The following THSD7B variants were observed in gnomAD, a reference collection of about 807,000 sequenced individuals.
THSD7B encodes the protein thrombospondin type 1 domain containing 7B, also known as thrombospondin type-1 domain-containing protein 7B.
In THSD7B, 138 loss-of-function variants were observed where a neutral mutation model predicts 213.6. The ratio of observed to expected loss-of-function variants is 0.65; its 90% CI spans 0.56 to 0.74. The LOEUF (loss-of-function observed/expected upper bound fraction) is 0.74, where lower values mean the gene tolerates loss of function less well. THSD7B is among the 30% of genes least tolerant of loss of function. The pLI, the probability that THSD7B is intolerant of heterozygous loss-of-function variation, is 0.00. For missense variants in THSD7B, 1,931 were observed against 1,991.5 expected (o/e 0.97, Z 0.58); for synonymous variants, 742 against 687.0 (o/e 1.08, Z -1.25).
Position 137,057,185 on chromosome 2 carries a change from G to A in THSD7B, c.905G>A (p.Arg302Gln). Residue 302 changes from arginine (R) to glutamine (Q), a missense_variant, in exon 3 of 28, where the codon CGG becomes CAG. Arg to Gln is a conservative substitution (Grantham distance 43). Coordinates refer to ENST00000409968, the MANE Select transcript of THSD7B (RefSeq NM_001316349.2). ...SWAIEIGYQTRQVSCTRSDGQ... is the reference protein window; with the variant it reads ...SWAIEIGYQTQQVSCTRSDGQ... Reference sequence around the variant, plus strand: ...GCAATAGAGATAGGTTATCAAACCCGGCAGGTTTCGTGTACAAGAAGTGAT... The same window carrying A: ...GCAATAGAGATAGGTTATCAAACCCAGCAGGTTTCGTGTACAAGAAGTGAT... 1 of 1,613,764 alleles carries A rather than the reference G, an allele frequency of 6.2e-7. No homozygotes were observed. Among genetic ancestry groups the A allele is most frequent in the Non-Finnish European group, 8.5e-7 (1 of 1,179,808 alleles).
At chr2:137,671,016 G>T (rs1034063971) in intron 27 of THSD7B, among the ~76,000 whole-genome samples, 1 of 150,844 alleles carries the variant, frequency 6.6e-6, no homozygotes, top group African/African-American at 2.4e-5. Context: ...CTACCTTTCA[G>T]ATAAGTCACT....
chr2:136,827,860 A>G (rs1470560607), intron 1 of THSD7B, among the ~76,000 whole-genome samples: 1 of 152,104 alleles, frequency 6.6e-6, no homozygotes, highest in Non-Finnish European at 1.5e-5. Flanking sequence ...TGTGCTTTGA[A>G]CCATTTCAGA....
At chr2:136,775,763 A>G (rs1681590489) in intron 1 of THSD7B, among the ~76,000 whole-genome samples, 1 of 152,130 alleles carries the variant, frequency 6.6e-6, no homozygotes, top group Non-Finnish European at 1.5e-5. Flanking sequence ...TAAGCTGCAG[A>G]GGTGAAGCCC....
chr2:136,940,162 A>AC (rs1684796934), intron 2 of THSD7B, among the ~76,000 whole-genome samples: 2 of 151,174 alleles, frequency 1.3e-5, no homozygotes, highest in East Asian at 2.0e-4. Flanking sequence ...CTCATCCCTC[A>AC]CCCCCCAACC....
chr2:137,185,159 G>A (rs920925593), intron 7 of THSD7B, among the ~76,000 whole-genome samples: 13 of 151,818 alleles, frequency 8.6e-5, no homozygotes, highest in Admixed American at 2.0e-4. Context: ...TACAATAAAA[G>A]CAACATATTT....
chr2:137,607,514 T>C (rs2104829528), intron 17 of THSD7B, among the ~76,000 whole-genome samples: 1 of 152,362 alleles, frequency 6.6e-6, no homozygotes, highest in South Asian at 2.1e-4. Flanking sequence ...AACTAGTCTG[T>C]AGTCCATATT....
chr2:137,332,532 A>C (rs1407636433), intron 12 of THSD7B, among the ~76,000 whole-genome samples: 1 of 152,140 alleles, frequency 6.6e-6, no homozygotes, highest in Non-Finnish European at 1.5e-5. Flanking sequence ...TGCTGGAATG[A>C]GCTAAGATTT....
At chr2:137,057,354 G>C in intron 3 of THSD7B, 124 bp downstream of exon 3, 1 of 1,008,488 alleles carries the variant, frequency 9.9e-7, no homozygotes, top group Non-Finnish European at 1.4e-6. Context: ...TAGGTTTTTA[G>C]AAGTTTCATG....
intron 12 of THSD7B, among the ~76,000 whole-genome samples, chr2:137,308,044 T>G (rs956212576): frequency 6.6e-6 from 1 of 152,030 alleles, no homozygotes; most frequent in African/African-American, 2.4e-5. Context: ...TGCTCTTATC[T>G]CATTACATCT....
At chr2:136,868,333 T>C (rs1043621145) in intron 1 of THSD7B, among the ~76,000 whole-genome samples, 1 of 152,204 alleles carries the variant, frequency 6.6e-6, no homozygotes, top group African/African-American at 2.4e-5. Flanking sequence ...AGGATAAAAG[T>C]AAATTCTATC....
intron 1 of THSD7B, among the ~76,000 whole-genome samples, chr2:136,832,839 C>A (rs996553065): frequency 1.3e-5 from 2 of 152,172 alleles, no homozygotes; most frequent in Non-Finnish European, 2.9e-5. Context: ...AGGTGGCCGA[C>A]TTGGGATGCA....
chr2:137,120,055 C>G lies in THSD7B; in HGVS notation c.1369+4762C>G, dbSNP rs58657500. On this transcript the variant is annotated intron_variant, in intron 5 of 27. Coordinates refer to ENST00000409968, the MANE Select transcript of THSD7B (RefSeq NM_001316349.2). Reference sequence around the variant, plus strand: ...CCCTTGATGTCAACCCTTAGAGGAGCAATGAGACTGTTTAAGTGGGCTTAT... The same window carrying G: ...CCCTTGATGTCAACCCTTAGAGGAGGAATGAGACTGTTTAAGTGGGCTTAT... Among the ~76,000 whole-genome samples, 641 of 152,192 alleles carry G rather than the reference C, an allele frequency of 4.2e-3. 3 individuals carry two copies. Among genetic ancestry groups the G allele is most frequent in the African/African-American group, 0.015 (615 of 41,534 alleles).
intron 2 of THSD7B, among the ~76,000 whole-genome samples, chr2:137,051,705 G>A (rs1218089786): frequency 2.0e-5 from 3 of 152,040 alleles, no homozygotes; most frequent in Admixed American, 1.3e-4. Context: ...GCTGTGACAG[G>A]GAAAAATGAA....
chr2:137,491,380 C>A (rs969346118), intron 15 of THSD7B, among the ~76,000 whole-genome samples: 1 of 152,182 alleles, frequency 6.6e-6, no homozygotes, highest in African/African-American at 2.4e-5. Context: ...TTTGATGGTA[C>A]TATTACTATG....
chr2:137,407,485 G>GA (rs1481278606), intron 13 of THSD7B, among the ~76,000 whole-genome samples: 1 of 151,684 alleles, frequency 6.6e-6, no homozygotes, highest in Non-Finnish European at 1.5e-5. Flanking sequence ...ATCACTGTTG[G>GA]AAAAAAATCC....
chr2:136,968,941 A>G (rs77072924), intron 2 of THSD7B, among the ~76,000 whole-genome samples: 1,830 of 152,276 alleles, frequency 0.012, 36 homozygotes, highest in African/African-American at 0.042. Context: ...AAATTATATA[A>G]CTAAATAAAC....
intron 12 of THSD7B, among the ~76,000 whole-genome samples, chr2:137,362,597 A>T (rs1301873763): frequency 6.7e-6 from 1 of 149,500 alleles, no homozygotes; most frequent in Non-Finnish European, 1.5e-5. Context: ...CGTCTCTGAC[A>T]AAAACAGTCT....
intron 4 of THSD7B, 80 bp from the exon 5 acceptor site, chr2:137,115,044 A>G: frequency 6.6e-7 from 1 of 1,517,452 alleles, no homozygotes; most frequent in Non-Finnish European, 9.0e-7. Context: ...ATGCCTCTTG[A>G]TGTCATGACT....
rs375098447 is a variant in THSD7B at position 136,810,513 on chromosome 2, T to A, written c.-36+44826T>A. Among the ~76,000 whole-genome samples, 4 of 152,194 alleles carry A rather than the reference T, an allele frequency of 2.6e-5. No homozygotes were observed. In the East Asian group the frequency reaches 7.7e-4, roughly 29 times the overall value. Reference sequence around the variant, plus strand: ...ATGTCTTGTCCAAAAAGTGAAACTATAAAAGATACATCATACATTCTGCAG... The same window carrying A: ...ATGTCTTGTCCAAAAAGTGAAACTAAAAAAGATACATCATACATTCTGCAG... On this transcript the variant is annotated intron_variant, in intron 1 of 27. Coordinates refer to ENST00000409968, the MANE Select transcript of THSD7B (RefSeq NM_001316349.2).
Sources: allele counts gnomAD v4.1 joint callset (sites outside exome capture counted in the v4.1 genomes callset), GRCh38; gene constraint gnomAD v4.1.1; transcripts MANE v1.5; gene names NCBI Gene and HGNC (gene_info 2026-07-23, HGNC 2026-07-21).